CHRNE: variants seen among roughly 807,000 people sequenced by gnomAD.
CHRNE encodes cholinergic receptor nicotinic epsilon subunit.
A neutral mutation model predicts 56.5 loss-of-function variants in CHRNE; 58 were observed. That is an observed-to-expected ratio of 1.03 (90% CI 0.83 to 1.28). The LOEUF (loss-of-function observed/expected upper bound fraction) is 1.28. CHRNE is among the 50% of genes most tolerant of loss of function. The pLI is 0.00. For synonymous variants in CHRNE, 385 were observed against 297.9 expected (o/e 1.29, Z -3.01); for missense variants, 793 against 688.9 (o/e 1.15, Z -1.69).
Position 4,902,450 on chromosome 17 carries a change from G to T in CHRNE, c.234C>A (p.Ile78=), listed in dbSNP as rs749350232. ...ETLTTSVWIG[I]DWQDYRLNYS... is the part of the protein sequence containing the mutation. ...ACACCATTCCCCAGATTTGACTCAC[G>T]ATTCCAATCCAGACGCTAGTGGTGA... Residue 78 remains isoleucine (I), a splice_region_variant and synonymous_variant, in exon 3 of 12, where the codon ATC becomes ATA. Transcript: ENST00000649488. This position sits in a 1 kb window ranked among gnomAD's most constrained non-coding sequence, Gnocchi z 4.0. 6.2e-7 allele frequency: 1 copy of T among 1,614,186 alleles called. No homozygotes were observed. Among genetic ancestry groups the T allele is most frequent in the South Asian group, 1.1e-5 (1 of 91,084 alleles).
Position 4,899,481 on chromosome 17 carries a change from G to C in CHRNE, c.1019C>G (p.Pro340Arg), listed in dbSNP as rs139922367. ...QRTPTTHAMS[P>R]RLRHVLLELL... ...CTCCGCGCTTACGTGGCGCAGCCGC[G>C]GGGACATGGCGTGGGTGGTGGGCGT... Residue 340 changes from proline (P) to arginine (R), a missense_variant, in exon 9 of 12, where the codon CCG becomes CGG. Physicochemically the swap from Pro to Arg is moderately radical, Grantham distance 103. Coordinates refer to ENST00000649488, the MANE Select transcript of CHRNE (RefSeq NM_000080.4). The C allele has an allele frequency of 6.5e-5, 104 of 1,597,416 alleles. No homozygotes were observed. The highest frequency in any genetic ancestry group is 8.3e-5 in the Non-Finnish European group (98 of 1,173,664).
At chr17:4,900,156 G>T in intron 8 of CHRNE, 1 of 1,548,352 alleles carries the variant, frequency 6.5e-7, no homozygotes. Context: ...GTGGGGTACT[G>T]GGGGGCTTAG....
chr17:4,900,956 C>A (rs1969963105), intron 7 of CHRNE, 34 bp downstream of exon 7: 2 of 1,613,926 alleles, frequency 1.2e-6, no homozygotes, highest in Admixed American at 1.7e-5. Flanking sequence ...GGAGCGAGCC[C>A]GGGTTTGGGG....
Position 4,902,290 on chromosome 17 carries a change from C to G in CHRNE, c.271G>C (p.Asp91His), listed in dbSNP as rs1392419204. ...CGCAGGGTTTCTATACCCCCAAAGT[C>G]GTCCTTGCTGTAGTTGAGTCGGTAA... ...QDYRLNYSKD[D>H]FGGIETLRVP... The change falls in exon 4 of 12, where the codon GAC becomes CAC. Residue 91 changes from aspartate (D) to histidine (H), a missense_variant. Physicochemically the swap from Asp to His is moderately conservative, Grantham distance 81. Coordinates refer to ENST00000649488, the MANE Select transcript of CHRNE (RefSeq NM_000080.4). This position sits in a 1 kb window ranked among gnomAD's most constrained non-coding sequence, Gnocchi z 4.0. 1 of 1,614,062 alleles carries G rather than the reference C, an allele frequency of 6.2e-7. No individual in the cohort carries two copies. Among genetic ancestry groups the G allele is most frequent in the African/African-American group, 1.3e-5 (1 of 74,916 alleles).
Position 4,901,933 on chromosome 17 carries a change from G to A in CHRNE, c.499C>T (p.Arg167Cys), listed in dbSNP as rs775247070. 6 of 1,498,362 alleles carry A rather than the reference G, an allele frequency of 4.0e-6. No individual in the cohort carries two copies. Among genetic ancestry groups the A allele is most frequent in the African/African-American group, 2.8e-5 (2 of 71,304 alleles). 92.8% of individuals were successfully genotyped at this position (1,498,362 alleles called of 1,614,324 possible). A position where few individuals can be genotyped will look rare whatever the true frequency, so the allele number is the denominator to read the frequency against. Residue 167 changes from arginine to cysteine, a missense_variant and splice_region_variant, in exon 5 of 12, where the codon CGC becomes TGC. By Grantham distance (180) the Arg-to-Cys change is radical (BLOSUM62 -3). Coordinates refer to ENST00000649488, the MANE Select transcript of CHRNE (RefSeq NM_000080.4). The stretch of plus-strand genomic sequence containing the variant: ...GGGCCTCGGAGTAGCTCTTCCCACC[G>A]GAAAATAAGCGAACAGTTCTGCCAA... The part of the protein sequence containing the change: ...FDWQNCSLIF[R>C]SQTYNAEEVE...
At position 4,898,883 on chromosome 17, in the gene CHRNE, G is replaced by T. The variant is rs753202734; in HGVS notation, c.1335C>A (p.Ser445=). The part of the protein sequence containing the change: ...RDQEATGEEV[S]DWVRMGNALD... ...GGGCATTCCCCATGCGCACCCAGTC[G>T]GACACTTCCTGGGGAAGGGTCGGCA... is the stretch of plus-strand genomic sequence containing the variant. Residue 445 remains serine (S), a synonymous_variant, in exon 12 of 12, where the codon TCC becomes TCA. Transcript: ENST00000649488. The T allele has an allele frequency of 5.7e-6, 9 of 1,579,902 alleles. No homozygotes were observed. Among genetic ancestry groups the T allele is most frequent in the East Asian group, 2.3e-5 (1 of 43,514 alleles).
rs758560981 is a variant in CHRNE at position 4,899,555 on chromosome 17, G to A, written c.945C>T (p.Ala315=). Residue 315 remains alanine, a synonymous_variant, in exon 9 of 12, where the codon GCC becomes GCT. Coordinates refer to ENST00000649488, the MANE Select transcript of CHRNE (RefSeq NM_000080.4). ...GRFLIFVMVV[A]TLIVMNCVIV... Reference sequence around the variant, plus strand: ...TGACGCAATTCATGACAATGAGCGTGGCGACCACCATGACGAAAATAAGGA... The same window carrying A: ...TGACGCAATTCATGACAATGAGCGTAGCGACCACCATGACGAAAATAAGGA... The A allele has an allele frequency of 6.3e-6, 10 of 1,596,598 alleles. No homozygotes were observed. The East Asian group carries it at 2.0e-4, about 32-fold the overall frequency.
intron 6 of CHRNE, 161 bp downstream of exon 6, chr17:4,901,364 G>A (rs1264593678): frequency 2.1e-6 from 2 of 933,952 alleles, no homozygotes; most frequent in East Asian, 2.6e-5. Context: ...CAGAAGGCAG[G>A]ACTAGAGTAA....
intron 8 of CHRNE, chr17:4,900,449 T>C (rs1290286487): frequency 6.4e-7 from 1 of 1,550,984 alleles, no homozygotes; most frequent in East Asian, 2.4e-5. Context: ...TGCAGGGGTC[T>C]GCCTCATTCC....
At chr17:4,907,040 A>C (rs900481533), upstream of CHRNE, among the ~76,000 whole-genome samples, 1 of 152,182 alleles carries the variant, frequency 6.6e-6, no homozygotes, top group African/African-American at 2.4e-5. Flanking sequence ...TGGTTACCAG[A>C]GGCTGGGAAG....
At chr17:4,908,154 A>G (rs1022877805) in intron 1 of CHRNE, among the ~76,000 whole-genome samples, 1 of 152,186 alleles carries the variant, frequency 6.6e-6, no homozygotes, top group Non-Finnish European at 1.5e-5. Context: ...CTGGTGACAG[A>G]GTGAGACTCT....
chr17:4,903,283 G>T (rs1006861346), upstream of CHRNE, among the ~76,000 whole-genome samples: 1 of 152,098 alleles, frequency 6.6e-6, no homozygotes, highest in Non-Finnish European at 1.5e-5. Context: ...CCAGCCCAGC[G>T]TCCTTTGCCT....
upstream of CHRNE, chr17:4,903,101 CAGGCTTGGAGG>C: frequency 1.9e-6 from 3 of 1,612,988 alleles, no homozygotes; most frequent in Non-Finnish European, 2.5e-6. Flanking sequence ...TGAGCTCTGG[CAGGCTTGGAGG>C]GGGCATGCCA....
rs898442941 is a variant in CHRNE at position 4,899,016 on chromosome 17, C to T, written c.1311G>A (p.Gln437=). The T allele has an allele frequency of 1.9e-6, 3 of 1,605,930 alleles. No individual in the cohort carries two copies. The highest frequency in any genetic ancestry group is 2.5e-6 in the Non-Finnish European group (3 of 1,177,294). The change falls in exon 11 of 12, where the codon CAG becomes CAA. Residue 437 remains glutamine (Q), a synonymous_variant. Coordinates refer to ENST00000649488, the MANE Select transcript of CHRNE (RefSeq NM_000080.4). ...VNFVAESTRD[Q]EATGEEVSDW... is the part of the protein sequence containing the mutation. ...CCTGTCCCACCTCGCCGGTGGCCTC[C>T]TGATCTCTCGTGCTCTCGGCCACGA...
In CHRNE at chr17:4,899,265, C is replaced by A. The variant is rs777363943; in HGVS notation, c.1152G>T (p.Leu384=). The A allele has an allele frequency of 1.2e-6, 2 of 1,604,160 alleles. No individual in the cohort carries two copies. Among genetic ancestry groups the A allele is most frequent in the Admixed American group, 3.3e-5 (2 of 59,910 alleles). Residue 384 remains leucine, a synonymous_variant, in exon 10 of 12, where the codon CTG becomes CTT. Transcript: ENST00000649488. ...GCTCGCTCCGTGGCTTTTTCAGTAT[C>A]AGCTCCTCCGCGCGGAGCAATAAGC... ...SVGLLLRAEE[L]ILKKPRSELV...
intron 5 of CHRNE, 151 bp downstream of exon 5, chr17:4,901,781 C>T (rs992960524): frequency 2.3e-6 from 3 of 1,311,278 alleles, no homozygotes; most frequent in East Asian, 2.4e-5. Context: ...TCTGTACCTC[C>T]GGCCGCGCTG....
Position 4,900,785 on chromosome 17 carries a change from G to T in CHRNE, c.917+8C>A, listed in dbSNP as rs1337368697. 3.1e-6 allele frequency: 5 copies of T among 1,611,958 alleles called. No individual in the cohort carries two copies. In the Admixed American group the frequency reaches 8.4e-5, roughly 27 times the overall value. Reference sequence around the variant, plus strand: ...CTGGCCACACCCCCGCGGGGGCTCCGGCTTCACCTGCCCAGGAGCGGCACG... The same window carrying T: ...CTGGCCACACCCCCGCGGGGGCTCCTGCTTCACCTGCCCAGGAGCGGCACG... On this transcript the variant is annotated splice_region_variant and intron_variant, in intron 8 of 11. Coordinates refer to ENST00000649488, the MANE Select transcript of CHRNE (RefSeq NM_000080.4).
intron 8 of CHRNE, 133 bp from the exon 9 acceptor site, chr17:4,899,715 ACAGACGCGTCCCC>A: frequency 6.6e-7 from 1 of 1,523,498 alleles, no homozygotes; most frequent in Non-Finnish European, 8.9e-7. Flanking sequence ...CTACACGACG[ACAGACGCGTCCCC>A]CAGCCCTTCT....
rs1021297889 is a variant in CHRNE, at chr17:4,900,903, G to T, written c.807C>A (p.Gly269=). 1 of 1,614,176 alleles carries T rather than the reference G, an allele frequency of 6.2e-7. No homozygotes were observed. The highest frequency in any genetic ancestry group is 8.5e-7 in the Non-Finnish European group (1 of 1,180,006). Residue 269 remains glycine, a synonymous_variant, in exon 8 of 12, where the codon GGC becomes GGA. Transcript: ENST00000649488. ...LLAYFLPAQA[G]GQKCTVSINV... ...TGATGGAGACCGTGCATTTCTGGCC[G>T]CCGGCTGGAGGGAGAGCCAGTGAGA...
Sources: gnomAD v4.1 joint callset for allele counts (sites outside exome capture counted in the v4.1 genomes callset) on GRCh38, gnomAD v4.1.1 for gene constraint, Gnocchi (gnomAD v3.1) non-coding constraint, MANE v1.5 for transcripts, NCBI Gene and HGNC (gene_info 2026-07-23, HGNC 2026-07-21) for gene names.